KIF6: variants seen among roughly 807,000 people sequenced by gnomAD.
KIF6 encodes kinesin family member 6.
In KIF6, 106 loss-of-function variants were observed where a neutral mutation model predicts 112.7. The observed-to-expected ratio is 0.94, with a 90% CI of 0.80 to 1.11. The LOEUF (loss-of-function observed/expected upper bound fraction) is 1.11. KIF6 is among the 50% of genes least tolerant of loss of function. The pLI, the probability that KIF6 is intolerant of heterozygous loss-of-function variation, is 0.00. For missense variants in KIF6, 929 were observed against 964.0 expected (o/e 0.96, Z 0.48); for synonymous variants, 339 against 339.9 (o/e 1.00, Z 0.03).
chr6:39,548,857 C>G (rs1779205127), intron 10 of KIF6, among the ~76,000 whole-genome samples: 1 of 152,014 alleles, frequency 6.6e-6, no homozygotes, highest in Non-Finnish European at 1.5e-5. Flanking sequence ...AGGACAAGCC[C>G]AAGTCAACAA....
At chr6:39,472,613 C>A (rs192178861) in intron 13 of KIF6, among the ~76,000 whole-genome samples, 34 of 152,292 alleles carry the variant, frequency 2.2e-4, no homozygotes, top group African/African-American at 7.9e-4. Flanking sequence ...CCCCTTCCCA[C>A]GAATATAAAA....
At chr6:39,608,928 G>C (rs1002157776) in intron 6 of KIF6, among the ~76,000 whole-genome samples, 16 of 152,172 alleles carry the variant, frequency 1.1e-4, no homozygotes, top group Non-Finnish European at 2.4e-4. Context: ...CAAGACGAAA[G>C]TCTTGTCTTT....
chr6:39,589,470 C>A (rs1278091979), intron 7 of KIF6, among the ~76,000 whole-genome samples: 1 of 152,218 alleles, frequency 6.6e-6, no homozygotes, highest in Non-Finnish European at 1.5e-5. Context: ...GTGCTCAGCA[C>A]TTGCTAACAT....
intron 13 of KIF6, among the ~76,000 whole-genome samples, chr6:39,534,210 G>A (rs1048791656): frequency 6.6e-6 from 1 of 152,202 alleles, no homozygotes; most frequent in African/African-American, 2.4e-5. Context: ...AAGCTGGACG[G>A]AGAATGACTT....
Position 39,584,997 on chromosome 6 carries a change from A to T in KIF6, c.991-13T>A, listed in dbSNP as rs374363983. 3.2e-5 allele frequency: 46 copies of T among 1,449,752 alleles called. No individual in the cohort carries two copies. Among genetic ancestry groups the T allele is most frequent in the Non-Finnish European group, 4.4e-5 (46 of 1,033,910 alleles). The allele number at this position is 1,449,752 out of a possible 1,614,324, so 89.8% of individuals were successfully genotyped here. A position where few individuals can be genotyped will look rare whatever the true frequency, so the allele number is the denominator to read the frequency against. ...TTGATATAGACTCCTAAGAAAGCAA[A>T]GTAACTTCTTAAAATATTATGGCAT... On this transcript the variant is annotated splice_polypyrimidine_tract_variant and intron_variant, in intron 8 of 22. Transcript: ENST00000287152.
At chr6:39,473,788 G>C (rs1774270527) in intron 13 of KIF6, among the ~76,000 whole-genome samples, 1 of 152,130 alleles carries the variant, frequency 6.6e-6, no homozygotes, top group Non-Finnish European at 1.5e-5. Context: ...TAGAACACTA[G>C]ATATATTTGT....
chr6:39,535,028 C>T (rs1007255673), intron 13 of KIF6, among the ~76,000 whole-genome samples: 9 of 152,088 alleles, frequency 5.9e-5, no homozygotes, highest in East Asian at 1.9e-4. Flanking sequence ...ATTTTGTCAC[C>T]GCCAGGCCTG....
intron 15 of KIF6, among the ~76,000 whole-genome samples, chr6:39,398,977 T>G (rs1432435536): frequency 6.6e-6 from 1 of 152,166 alleles, no homozygotes; most frequent in Non-Finnish European, 1.5e-5. Flanking sequence ...CCCAGTCAGT[T>G]AAAGGCCTTA....
chr6:39,460,825 G>A (rs1773430293), intron 13 of KIF6, among the ~76,000 whole-genome samples: 1 of 151,988 alleles, frequency 6.6e-6, no homozygotes, highest in Admixed American at 6.6e-5. Context: ...TTTACCCCAG[G>A]TACATAAAAA....
At chr6:39,626,766 G>A (rs1784116441) in intron 5 of KIF6, among the ~76,000 whole-genome samples, 1 of 152,148 alleles carries the variant, frequency 6.6e-6, no homozygotes. Context: ...CACCTGGGAT[G>A]TTTATTCAAA....
chr6:39,413,409 T>G (rs779427074), intron 15 of KIF6, among the ~76,000 whole-genome samples: 3 of 152,142 alleles, frequency 2.0e-5, no homozygotes, highest in African/African-American at 4.8e-5. Flanking sequence ...CTTAAAAATT[T>G]TGTTCAGTTT....
intron 15 of KIF6, among the ~76,000 whole-genome samples, chr6:39,413,719 G>A (rs1769667727): frequency 6.6e-6 from 1 of 152,102 alleles, no homozygotes; most frequent in Non-Finnish European, 1.5e-5. Flanking sequence ...CAAGGAGGGA[G>A]AGGAGAGGAG....
At chr6:39,473,788 G>A (rs1774270527) in intron 13 of KIF6, among the ~76,000 whole-genome samples, 1 of 152,130 alleles carries the variant, frequency 6.6e-6, no homozygotes, top group Non-Finnish European at 1.5e-5. Context: ...TAGAACACTA[G>A]ATATATTTGT....
At chr6:39,338,582 G>T (rs930759643) in intron 22 of KIF6, among the ~76,000 whole-genome samples, 1 of 152,182 alleles carries the variant, frequency 6.6e-6, no homozygotes, top group African/African-American at 2.4e-5. Flanking sequence ...TGGACTTGTG[G>T]TTCCCAGCTC....
At chr6:39,447,967 C>G (rs1772435890) in intron 13 of KIF6, among the ~76,000 whole-genome samples, 1 of 152,180 alleles carries the variant, frequency 6.6e-6, no homozygotes, top group African/African-American at 2.4e-5. Context: ...GTAACTGCTA[C>G]TGGTCAGCGG....
Position 39,535,804 on chromosome 6 carries a change from T to C in KIF6, c.1645+4199A>G, listed in dbSNP as rs530718052. On this transcript the variant is annotated intron_variant, in intron 13 of 22. Coordinates refer to ENST00000287152, the MANE Select transcript of KIF6 (RefSeq NM_145027.6). ...CACACCTATTCCAAAATTGACCACA[T>C]AGTTGGAAGTAAAGCTCTCCTCAGC... is the stretch of plus-strand genomic sequence containing the variant. 9.2e-5 allele frequency among the ~76,000 whole-genome samples: 14 copies of C among 152,012 alleles called. No homozygotes were observed. The South Asian group carries it at 2.1e-3, about 23-fold the overall frequency.
chr6:39,605,969 T>C lies in KIF6; in HGVS notation c.639+7220A>G, dbSNP rs561037251. Among the ~76,000 whole-genome samples the C allele has an allele frequency of 1.6e-4, 24 of 152,246 alleles. No individual in the cohort carries two copies. In the East Asian group the frequency reaches 4.6e-3, roughly 29 times the overall value. On this transcript the variant is annotated intron_variant, in intron 6 of 22. Coordinates refer to ENST00000287152, the MANE Select transcript of KIF6 (RefSeq NM_145027.6). The stretch of plus-strand genomic sequence containing the variant: ...AATTCCAAGTTTCAGAAAACTTTTC[T>C]CTAGTTTTTCTGTTGCCTTTGTTCC...
chr6:39,405,785 T>C (rs190514775), intron 15 of KIF6, among the ~76,000 whole-genome samples: 2 of 152,332 alleles, frequency 1.3e-5, no homozygotes, highest in African/African-American at 4.8e-5. Context: ...AAATGTTTGG[T>C]AGAATACTAC....
At position 39,544,669 on chromosome 6, in the gene KIF6, G is replaced by C; in HGVS notation, c.1312C>G (p.Leu438Val). The C allele has an allele frequency of 6.2e-7, 1 of 1,600,802 alleles. No individual in the cohort carries two copies. Among genetic ancestry groups the C allele is most frequent in the Non-Finnish European group, 8.5e-7 (1 of 1,175,416 alleles). Residue 438 changes from leucine to valine, a missense_variant, in exon 12 of 23, where the codon CTT becomes GTT. Transcript: ENST00000287152. ...TCAGAGGAGACTGTATTGTTTTCAA[G>C]GATCTTCTTGTCATTCAATAGTTTC... ...LKKLLNDKKI[L>V]ENNTVSSESK...
Sources: allele counts gnomAD v4.1 joint callset (sites outside exome capture counted in the v4.1 genomes callset), GRCh38; gene constraint gnomAD v4.1.1; transcripts MANE v1.5; gene names NCBI Gene and HGNC (gene_info 2026-07-23, HGNC 2026-07-21).